The following ZC3H13 variants were observed in gnomAD, a reference collection of about 807,000 sequenced individuals.
ZC3H13 encodes the protein zinc finger CCCH-type containing 13.
ZC3H13 carries 64 observed loss-of-function variants against 204.1 expected under a neutral mutation model. The ratio of observed to expected loss-of-function variants is 0.31; its 90% confidence interval spans 0.26 to 0.39. The LOEUF is 0.39. Ranked by LOEUF, ZC3H13 falls within the 10% of genes least tolerant of loss-of-function variation. The pLI is 1.00. For synonymous variants in ZC3H13, 667 were observed against 693.7 expected (o/e 0.96, Z 0.60); for missense variants, 1,833 against 2,082.7 (o/e 0.88, Z 2.33).
chr13:45,999,346 C>T (rs183626572), intron 8 of ZC3H13, among the ~76,000 whole-genome samples: 156 of 152,340 alleles, frequency 1.0e-3, no homozygotes, highest in African/African-American at 3.6e-3. Flanking sequence ...TCCTCTCAAA[C>T]CCTGCTGCTG....
intron 8 of ZC3H13, among the ~76,000 whole-genome samples, chr13:45,990,914 C>T (rs2039925615): frequency 6.6e-6 from 1 of 152,106 alleles, no homozygotes; most frequent in East Asian, 1.9e-4. Flanking sequence ...AGTGATCCTC[C>T]CACCTCAGCC....
Position 45,985,333 on chromosome 13 carries a change from G to A in ZC3H13, c.1684C>T (p.Arg562Ter), listed in dbSNP as rs1436777526. 1 of 1,613,776 alleles carries A rather than the reference G, an allele frequency of 6.2e-7. No individual in the cohort carries two copies. Among genetic ancestry groups the A allele is most frequent in the Admixed American group, 1.7e-5 (1 of 59,992 alleles). ...AACTCAGGAACCCTCCCCCTACTTC[G>A]GCCCATTCGGTCATTTCTAATTTCA... ...RSEIRNDRMGRSRGRVPELPE... is the reference protein window; with the variant it reads ...RSEIRNDRMG The change falls in exon 10 of 19, where the codon CGA (arginine) becomes TGA (stop). Residue 562 changes from arginine to a stop codon, truncating the protein, a stop_gained. Coordinates refer to ENST00000679008, the MANE Select transcript of ZC3H13 (RefSeq NM_001330564.2). LOFTEE classifies it high-confidence loss of function.
At chr13:45,993,564 G>A (rs1275252478) in intron 8 of ZC3H13, among the ~76,000 whole-genome samples, 3 of 152,226 alleles carry the variant, frequency 2.0e-5, no homozygotes, top group African/African-American at 7.2e-5. Flanking sequence ...GTGGGCCACA[G>A]GTCATGGTAA....
At chr13:46,025,461 C>G (rs958028550) in intron 4 of ZC3H13, among the ~76,000 whole-genome samples, 4 of 152,036 alleles carry the variant, frequency 2.6e-5, no homozygotes, top group Non-Finnish European at 5.9e-5. Context: ...CATACCACTA[C>G]GCCCAGCTAA....
intron 9 of ZC3H13, among the ~76,000 whole-genome samples, chr13:45,986,066 T>C (rs1954163067): frequency 6.6e-6 from 1 of 152,226 alleles, no homozygotes; most frequent in African/African-American, 2.4e-5. Context: ...GGCTTACTTT[T>C]CAGAAACCAC....
At chr13:45,998,352 T>C (rs946283084) in intron 8 of ZC3H13, among the ~76,000 whole-genome samples, 8 of 151,974 alleles carry the variant, frequency 5.3e-5, no homozygotes, top group Admixed American at 1.3e-4. Flanking sequence ...GATTTATATC[T>C]AAAAAAGTAC....
chr13:45,957,158 G>T lies in ZC3H13; in HGVS notation c.4979C>A (p.Ser1660Tyr). The T allele has an allele frequency of 1.9e-6, 3 of 1,546,318 alleles. No individual in the cohort carries two copies. The highest frequency in any genetic ancestry group is 1.7e-6 in the Non-Finnish European group (2 of 1,144,782). Residue 1660 changes from serine (S) to tyrosine (Y), a missense_variant, in exon 19 of 19, where the codon TCC becomes TAC. This residue lies in a region of ZC3H13 where 211 missense variants were observed against 228.4 expected (regional missense o/e 0.92). Coordinates refer to ENST00000679008, the MANE Select transcript of ZC3H13 (RefSeq NM_001330564.2). The stretch of plus-strand genomic sequence containing the variant: ...CACACACAGTTCCTGTTGGATACTG[G>T]ACTGTGAAAGTTTATTATCTTCAGT... ...EKTEDNKLSQSSIQQELCVS is the reference protein window; with the variant it reads ...EKTEDNKLSQYSIQQELCVS
intron 4 of ZC3H13, among the ~76,000 whole-genome samples, chr13:46,026,643 T>C (rs1282081341): frequency 1.3e-5 from 2 of 151,956 alleles, no homozygotes; most frequent in African/African-American, 4.8e-5. Flanking sequence ...AAAACACACA[T>C]ACACACGTAA....
At chr13:45,987,292 C>T (rs895490023) in intron 9 of ZC3H13, among the ~76,000 whole-genome samples, 2 of 152,106 alleles carry the variant, frequency 1.3e-5, no homozygotes, top group African/African-American at 4.8e-5. Flanking sequence ...GATTTAAGTC[C>T]CTTCTTAACA....
At chr13:46,013,536 A>C (rs958155082) in intron 5 of ZC3H13, among the ~76,000 whole-genome samples, 2 of 152,246 alleles carry the variant, frequency 1.3e-5, no homozygotes, top group East Asian at 1.9e-4. Context: ...GCATATAATA[A>C]AAACTCAGAT....
At chr13:45,972,196 C>T (rs1172096078) in intron 12 of ZC3H13, among the ~76,000 whole-genome samples, 1 of 151,594 alleles carries the variant, frequency 6.6e-6, no homozygotes, top group African/African-American at 2.4e-5. Context: ...AAAACATGCA[C>T]ATATATGTTT....
At chr13:45,996,105 T>C (rs948519504) in intron 8 of ZC3H13, among the ~76,000 whole-genome samples, 4 of 152,218 alleles carry the variant, frequency 2.6e-5, no homozygotes, top group Non-Finnish European at 5.9e-5. Flanking sequence ...CAAGAAGATT[T>C]TGTGTTTAAA....
intron 4 of ZC3H13, among the ~76,000 whole-genome samples, chr13:46,026,769 A>G (rs1368370740): frequency 2.0e-5 from 3 of 152,310 alleles, no homozygotes; most frequent in African/African-American, 7.2e-5. Flanking sequence ...TCATAGTTTG[A>G]CATATGAGAT....
At chr13:46,020,650 C>A (rs1420893829) in intron 4 of ZC3H13, 93 bp from the exon 5 acceptor site, 1 of 802,440 alleles carries the variant, frequency 1.2e-6, no homozygotes, top group Non-Finnish European at 1.9e-6. Context: ...TTTCATTCAT[C>A]TCTGTTTCAT....
intron 17 of ZC3H13, chr13:45,962,648 T>C: frequency 2.0e-6 from 2 of 980,538 alleles, no homozygotes; most frequent in Non-Finnish European, 2.4e-6. Flanking sequence ...AATAAAAAAA[T>C]TTACTGCTTA....
chr13:45,988,770 C>A lies in ZC3H13; in HGVS notation c.1255+17G>T. 4 of 1,576,450 alleles carry A rather than the reference C, an allele frequency of 2.5e-6. No individual in the cohort carries two copies. Among genetic ancestry groups the A allele is most frequent in the South Asian group, 1.2e-5 (1 of 86,070 alleles). Reference sequence around the variant, plus strand: ...TGTTCAATTTTTCAATTAAAAAAATCAAAGTACAGTACACACCTTCCCTCC... The same window carrying A: ...TGTTCAATTTTTCAATTAAAAAAATAAAAGTACAGTACACACCTTCCCTCC... On this transcript the variant is annotated intron_variant, in intron 9 of 18. Coordinates refer to ENST00000679008, the MANE Select transcript of ZC3H13 (RefSeq NM_001330564.2).
At chr13:46,003,396 A>C (rs2040892172) in intron 7 of ZC3H13, 60 bp from the exon 8 acceptor site, 2 of 1,509,498 alleles carry the variant, frequency 1.3e-6, no homozygotes, top group Admixed American at 4.4e-5. Flanking sequence ...TATTTTTTAA[A>C]GCCTTCTTAA....
chr13:45,974,192 C>T (rs150075328), intron 12 of ZC3H13, among the ~76,000 whole-genome samples: 156 of 152,238 alleles, frequency 1.0e-3, no homozygotes, highest in African/African-American at 3.6e-3. Flanking sequence ...TGGTTTTGTG[C>T]CCACAGAACT....
chr13:46,023,242 C>G (rs1251110460), intron 4 of ZC3H13, among the ~76,000 whole-genome samples: 2 of 152,108 alleles, frequency 1.3e-5, no homozygotes, highest in South Asian at 2.1e-4. Flanking sequence ...TATTACAAGA[C>G]TCTTGGGGGC....
Sources: gnomAD v4.1 joint callset for allele counts (sites outside exome capture counted in the v4.1 genomes callset) on GRCh38, gnomAD v4.1.1 for gene constraint, gnomAD v4.1.1 regional missense constraint, MANE v1.5 for transcripts, NCBI Gene and HGNC (gene_info 2026-07-23, HGNC 2026-07-21) for gene names.